The following CFI variants were observed in gnomAD, a reference collection of about 807,000 sequenced individuals.
CFI encodes complement factor I.
In CFI, 66 loss-of-function variants were observed where a neutral mutation model predicts 78.8. The observed-to-expected ratio is 0.84, with a 90% CI of 0.69 to 1.03. The LOEUF is 1.03. Ranked by LOEUF, CFI falls within the 50% of genes least tolerant of loss-of-function variation. The probability of loss-of-function intolerance (pLI) is 0.00; values close to 1 mark genes in which losing one functional copy is unlikely to be tolerated. For synonymous variants in CFI, 250 were observed against 232.6 expected, an observed-to-expected ratio of 1.07 and a Z score of -0.68; for missense variants, 706 against 704.5, an observed-to-expected ratio of 1.00 and a Z score of -0.02.
Position 109,764,604 on chromosome 4 carries a change from A to C in CFI, c.415T>G (p.Phe139Val), listed in dbSNP as rs751034950. ...ATGCTCCAGCTGCTTTTGCATATGA[A>C]CATTGTCTTATCTTGGTCCACAAGT... ...VKLVDQDKTMFICKSSWSMRE... is the reference protein window; with the variant it reads ...VKLVDQDKTMVICKSSWSMRE... The change falls in exon 3 of 13, where the codon TTC becomes GTC. Residue 139 changes from phenylalanine (F) to valine (V), a missense_variant. Coordinates refer to ENST00000394634, the MANE Select transcript of CFI (RefSeq NM_000204.5). 29 of 1,614,076 alleles carry C rather than the reference A, an allele frequency of 1.8e-5. No homozygotes were observed. The Admixed American group carries it at 4.8e-4, about 27-fold the overall frequency.
chr4:109,760,608 A>G lies in CFI; in HGVS notation c.687T>C (p.Cys229=). 1 of 1,607,040 alleles carries G rather than the reference A, an allele frequency of 6.2e-7. No individual in the cohort carries two copies. Among genetic ancestry groups the G allele is most frequent in the Non-Finnish European group, 8.5e-7 (1 of 1,173,612 alleles). Residue 229 remains cysteine (C), a synonymous_variant, in exon 5 of 13, where the codon TGT becomes TGC. Transcript: ENST00000394634. ...ADSPMDDFFQ[C]VNGKYISQMK... ...TCTGAGAAATGTATTTCCCATTCACACACTGAAAGAAGTCATCCATTGGAG... is the reference window on the plus strand; with the variant it reads ...TCTGAGAAATGTATTTCCCATTCACGCACTGAAAGAAGTCATCCATTGGAG...
At chr4:109,745,517 A>T (rs1417076247) in intron 11 of CFI, among the ~76,000 whole-genome samples, 1 of 152,202 alleles carries the variant, frequency 6.6e-6, no homozygotes, top group African/African-American at 2.4e-5. Flanking sequence ...GTTTAATTCT[A>T]ATCTAATCTC....
chr4:109,750,695 T>G (rs1725032804), intron 8 of CFI, among the ~76,000 whole-genome samples: 1 of 152,138 alleles, frequency 6.6e-6, no homozygotes, highest in African/African-American at 2.4e-5. Flanking sequence ...GTCATGAAAA[T>G]TTTTGTAAAC....
intron 1 of CFI, among the ~76,000 whole-genome samples, chr4:109,780,498 C>T (rs1029085476): frequency 6.6e-5 from 10 of 152,076 alleles, no homozygotes; most frequent in African/African-American, 2.2e-4. Flanking sequence ...CAGGAAGCAA[C>T]AGGTGCTGGA....
At chr4:109,798,489 A>C (rs1490465244) in intron 1 of CFI, among the ~76,000 whole-genome samples, 1 of 143,544 alleles carries the variant, frequency 7.0e-6, no homozygotes, top group Non-Finnish European at 1.5e-5. Flanking sequence ...ATTATATGTC[A>C]ATCATAACTC....
chr4:109,767,871 T>A (rs2126226459), intron 1 of CFI, among the ~76,000 whole-genome samples: 1 of 152,132 alleles, frequency 6.6e-6, no homozygotes, highest in South Asian at 2.1e-4. Flanking sequence ...AGCAAAGACT[T>A]GGAACCAACC....
At chr4:109,786,265 C>T (rs923652099) in intron 1 of CFI, among the ~76,000 whole-genome samples, 10 of 152,076 alleles carry the variant, frequency 6.6e-5, no homozygotes, top group Non-Finnish European at 1.3e-4. Context: ...TCCTGACCTC[C>T]ATTAATCCAC....
chr4:109,740,679 T>C (rs28361433), downstream of CFI: 7,513 of 602,858 alleles, frequency 0.012, 333 homozygotes, highest in African/African-American at 0.1. Flanking sequence ...TAAAATTTTC[T>C]GATAAATAAA....
chr4:109,756,735 C>T (rs1179674895), intron 7 of CFI, among the ~76,000 whole-genome samples: 3 of 151,508 alleles, frequency 2.0e-5, no homozygotes, highest in Non-Finnish European at 2.9e-5. Flanking sequence ...TGGCACGTGC[C>T]TGTAATCTCA....
At position 109,760,517 on chromosome 4, in the gene CFI, G is replaced by A; in HGVS notation, c.772+6C>T. On this transcript the variant is annotated splice_donor_region_variant and intron_variant, in intron 5 of 12. Coordinates refer to ENST00000394634, the MANE Select transcript of CFI (RefSeq NM_000204.5). Reference sequence around the variant, plus strand: ...TAGAGGATTTAGAGGCTAGATTTATGTCTACCTTTACAACACAGTTCATCA... The same window carrying A: ...TAGAGGATTTAGAGGCTAGATTTATATCTACCTTTACAACACAGTTCATCA... 1 of 1,543,832 alleles carries A rather than the reference G, an allele frequency of 6.5e-7. No homozygotes were observed. Among genetic ancestry groups the A allele is most frequent in the Non-Finnish European group, 9.0e-7 (1 of 1,115,752 alleles).
intron 10 of CFI, among the ~76,000 whole-genome samples, chr4:109,746,998 C>T (rs118174439): frequency 2.0e-5 from 3 of 152,188 alleles, no homozygotes; most frequent in South Asian, 4.1e-4. Context: ...TGTTCACATG[C>T]CTTTCCTCAC....
At chr4:109,753,640 A>C (rs1307226974) in intron 7 of CFI, among the ~76,000 whole-genome samples, 1 of 87,440 alleles carries the variant, frequency 1.1e-5, no homozygotes, top group African/African-American at 4.6e-5. Flanking sequence ...AATATGTATA[A>C]TTTTATATTA....
intron 1 of CFI, among the ~76,000 whole-genome samples, chr4:109,790,319 A>T (rs1258479855): frequency 2.0e-5 from 3 of 151,626 alleles, no homozygotes; most frequent in Non-Finnish European, 4.4e-5. Context: ...TCTAATCTTT[A>T]TTCTATTTTT....
At chr4:109,783,785 C>A (rs1427468281) in intron 1 of CFI, among the ~76,000 whole-genome samples, 4 of 140,034 alleles carry the variant, frequency 2.9e-5, no homozygotes, top group Non-Finnish European at 6.2e-5. Context: ...AAATGCCCAC[C>A]ATTCAATGAG....
Position 109,746,440 on chromosome 4 carries a change from A to T in CFI, c.1211T>A (p.Leu404His). 6.2e-7 allele frequency: 1 copy of T among 1,613,940 alleles called. No homozygotes were observed. The highest frequency in any genetic ancestry group is 8.5e-7 in the Non-Finnish European group (1 of 1,179,852). The change falls in exon 11 of 13, where the codon CTT becomes CAT. Residue 404 changes from leucine to histidine, a missense_variant. Transcript: ENST00000394634. ...CACGTATTCAATTACTATACGTTTA[A>T]GGTCGGGGTGTATCCAGTCTACTAC... ...TTVVDWIHPD[L>H]KRIVIEYVDR... is the part of the protein sequence containing the mutation.
intron 1 of CFI, among the ~76,000 whole-genome samples, chr4:109,782,487 C>A (rs1730183333): frequency 6.7e-6 from 1 of 148,242 alleles, no homozygotes; most frequent in African/African-American, 2.5e-5. Context: ...AAAACTTCTA[C>A]AAGGAAAACT....
chr4:109,760,518 T>G lies in CFI; in HGVS notation c.772+5A>C. 6.4e-7 allele frequency: 1 copy of G among 1,552,290 alleles called. No homozygotes were observed. The highest frequency in any genetic ancestry group is 2.2e-5 in the East Asian group (1 of 44,598). ...AGAGGATTTAGAGGCTAGATTTATG[T>G]CTACCTTTACAACACAGTTCATCAC... On this transcript the variant is annotated splice_donor_5th_base_variant and intron_variant, in intron 5 of 12. Transcript: ENST00000394634.
chr4:109,752,444 T>TA (rs899389855), intron 8 of CFI, 24 bp downstream of exon 8: 3 of 1,611,846 alleles, frequency 1.9e-6, no homozygotes, highest in Non-Finnish European at 1.7e-6. Context: ...GAGCCACCAA[T>TA]AAAAAAGTAT....
intron 8 of CFI, among the ~76,000 whole-genome samples, chr4:109,751,438 C>T (rs1422913763): frequency 7.0e-5 from 7 of 100,336 alleles, no homozygotes; most frequent in South Asian, 3.8e-4. Context: ...AGAGCTAAAT[C>T]TTTTTTTTTT....
Sources: gnomAD v4.1 joint callset for allele counts (sites outside exome capture counted in the v4.1 genomes callset) on GRCh38, gnomAD v4.1.1 for gene constraint, MANE v1.5 for transcripts, NCBI Gene and HGNC (gene_info 2026-07-23, HGNC 2026-07-21) for gene names.